FAM25A: variants seen among roughly 807,000 people sequenced by gnomAD.
FAM25A encodes family with sequence similarity 25 member A, also known as protein FAM25A.
In FAM25A, 5 loss-of-function variants were observed where a neutral mutation model predicts 6.6. That is an observed-to-expected ratio of 0.75 (90% confidence interval 0.39 to 1.59). The LOEUF (loss-of-function observed/expected upper bound fraction) is 1.59, where lower values mean the gene tolerates loss of function less well. Among genes scored for constraint, FAM25A ranks in the 40% most tolerant of loss-of-function variants. The probability of loss-of-function intolerance (pLI) is 0.02; values close to 1 mark genes in which losing one functional copy is unlikely to be tolerated. For missense variants in FAM25A, 93 were observed against 109.7 expected (o/e 0.85, Z 0.68); for synonymous variants, 36 against 41.3 (o/e 0.87, Z 0.49).
rs1015757468 is a variant in FAM25A, at chr10:87,024,272, A to T, written c.137-269A>T. ...AACCCAATATAAAAATGGTCAAAAG[A>T]CATAAGCAGGCATTTTCCAGAAAAA... On this transcript the variant is annotated intron_variant, in intron 2 of 2. Transcript: ENST00000343959. Among the ~76,000 whole-genome samples the T allele has an allele frequency of 3.9e-5, 6 of 152,136 alleles. No individual in the cohort carries two copies. The East Asian group carries it at 7.7e-4, about 20-fold the overall frequency.
rs767640778 is a variant in FAM25A at position 87,022,325 on chromosome 10, G to A, written c.85G>A (p.Glu29Lys). 11 of 1,548,986 alleles carry A rather than the reference G, an allele frequency of 7.1e-6. No individual in the cohort carries two copies. The South Asian group carries it at 1.2e-4, about 17-fold the overall frequency. The change falls in exon 2 of 3, where the codon GAA becomes AAA. Residue 29 changes from glutamate to lysine, a missense_variant. Coordinates refer to ENST00000343959, the MANE Select transcript of FAM25A (RefSeq NM_001146157.3). Reference sequence around the variant, plus strand: ...TCTCCTCTGTTCAGTTCATGCCGTGGAAGAAGTGGTGAAGGAGGTGGTGGG... The same window carrying A: ...TCTCCTCTGTTCAGTTCATGCCGTGAAAGAAGTGGTGAAGGAGGTGGTGGG... ...KATEGAIHAV[E>K]EVVKEVVGHA...
chr10:87,022,987 AC>A (rs957680079), intron 2 of FAM25A, among the ~76,000 whole-genome samples: 12 of 147,858 alleles, frequency 8.1e-5, no homozygotes, highest in Admixed American at 1.3e-4. Flanking sequence ...TGATCCCAGC[AC>A]TTTGGGAGCC....
intron 1 of FAM25A, 50 bp downstream of exon 1, chr10:87,020,447 A>G: frequency 1.3e-6 from 2 of 1,544,614 alleles, no homozygotes; most frequent in Non-Finnish European, 1.7e-6. Flanking sequence ...TCTGGGGCAG[A>G]CTGGGTCTGT....
chr10:87,024,341 C>T (rs1334160292), intron 2 of FAM25A, among the ~76,000 whole-genome samples, 200 bp from the exon 3 acceptor site: 3 of 152,120 alleles, frequency 2.0e-5, no homozygotes, highest in Non-Finnish European at 4.4e-5. Flanking sequence ...CTCAGTCTCA[C>T]TCACAGTTGA....
chr10:87,024,405 A>G (rs1845358577), intron 2 of FAM25A, 136 bp from the exon 3 acceptor site: 1 of 1,304,384 alleles, frequency 7.7e-7, no homozygotes, highest in African/African-American at 1.5e-5. Context: ...ATTCTGCAGT[A>G]ATCCTGCTGC....
In FAM25A at chr10:87,024,710, T is replaced by C. The variant is rs1357754903; in HGVS notation, c.*36T>C. On this transcript the variant is annotated 3_prime_UTR_variant, in exon 3 of 3. Transcript: ENST00000343959. ...TACCACGGCCCTTCCCCAGTCTCAA[T>C]AAAAAGCCATGACATGTGTACATTG... 6.5e-7 allele frequency: 1 copy of C among 1,535,664 alleles called. No homozygotes were observed. The highest frequency in any genetic ancestry group is 2.3e-4 in the Middle Eastern group (1 of 4,364).
intron 1 of FAM25A, among the ~76,000 whole-genome samples, chr10:87,021,331 T>C (rs1006806494): frequency 6.6e-6 from 1 of 152,238 alleles, no homozygotes; most frequent in Non-Finnish European, 1.5e-5. Context: ...GAGTTTTGTA[T>C]GATTCCTGTT....
chr10:87,023,168 C>T (rs1048419033), intron 2 of FAM25A, among the ~76,000 whole-genome samples: 8 of 151,602 alleles, frequency 5.3e-5, no homozygotes, highest in African/African-American at 1.9e-4. Flanking sequence ...TTGCAGTGAG[C>T]CGAGATCGTG....
chr10:87,023,818 C>T (rs544077873), intron 2 of FAM25A, among the ~76,000 whole-genome samples: 1 of 152,150 alleles, frequency 6.6e-6, no homozygotes, highest in Non-Finnish European at 1.5e-5. Flanking sequence ...AAGGCACTGG[C>T]AGATTTGGCA....
chr10:87,022,380 C>T lies in FAM25A; in HGVS notation c.136+4C>T. On this transcript the variant is annotated splice_donor_region_variant and intron_variant, in intron 2 of 2. Coordinates refer to ENST00000343959, the MANE Select transcript of FAM25A (RefSeq NM_001146157.3). ...GCCAAGGAGACTGGAGAGAAAGGTA[C>T]AGCTGGCTGAGGTCGGGCAGGGAAG... 4 of 1,548,142 alleles carry T rather than the reference C, an allele frequency of 2.6e-6. No individual in the cohort carries two copies. The highest frequency in any genetic ancestry group is 3.5e-6 in the Non-Finnish European group (4 of 1,146,680).
At chr10:87,022,698 G>C (rs995602955) in intron 2 of FAM25A, among the ~76,000 whole-genome samples, 2 of 152,064 alleles carry the variant, frequency 1.3e-5, no homozygotes, top group African/African-American at 4.8e-5. Flanking sequence ...AGGCTGAGGA[G>C]GGTGGATCAC....
chr10:87,022,771 A>G (rs1845341869), intron 2 of FAM25A, among the ~76,000 whole-genome samples: 1 of 150,230 alleles, frequency 6.7e-6, no homozygotes, highest in Non-Finnish European at 1.5e-5. Flanking sequence ...CTAAAAATAC[A>G]TAAAAATTAG....
rs1481828175 is a variant in FAM25A, at chr10:87,020,364, G to A, written c.40G>A (p.Ala14Thr). 2.6e-6 allele frequency: 4 copies of A among 1,549,324 alleles called. No individual in the cohort carries two copies. Among genetic ancestry groups the A allele is most frequent in the Non-Finnish European group, 3.5e-6 (4 of 1,146,830 alleles). Residue 14 changes from alanine to threonine, a missense_variant, in exon 1 of 3, where the codon GCC becomes ACC. Physicochemically the swap from Ala to Thr is moderately conservative, Grantham distance 58 (BLOSUM62 0). Transcript: ENST00000343959. ...GLGKLAAEGL[A>T]HRTEKATEGA... The stretch of plus-strand genomic sequence containing the variant: ...GGGGAAGCTGGCTGCCGAAGGCCTG[G>A]CCCACCGCACCGAGAAGGCCACCGA...
rs536059233 is a variant in FAM25A, at chr10:87,020,703, AG to A, written c.73+307del. On this transcript the variant is annotated intron_variant, in intron 1 of 2. Transcript: ENST00000343959. ...CTGAATAACCTATGCAGGAAAAGGA[AG>A]ATGGATTTTTATTTTTACCATAACT... is the stretch of plus-strand genomic sequence containing the variant. Among the ~76,000 whole-genome samples, 16 of 152,320 alleles carry A rather than the reference AG, an allele frequency of 1.1e-4. No homozygotes were observed. The South Asian group carries it at 3.3e-3, about 32-fold the overall frequency.
chr10:87,022,524 C>A, intron 2 of FAM25A, 148 bp downstream of exon 2: 1 of 902,524 alleles, frequency 1.1e-6, no homozygotes, highest in Non-Finnish European at 1.7e-6. Context: ...GTTATCTATG[C>A]TCATCAGAGG....
Position 87,024,542 on chromosome 10 carries a change from C to T in FAM25A, c.138C>T (p.Ala46=). Residue 46 remains alanine, a splice_region_variant and synonymous_variant, in exon 3 of 3, where the codon GCC becomes GCT. Coordinates refer to ENST00000343959, the MANE Select transcript of FAM25A (RefSeq NM_001146157.3). The part of the protein sequence containing the change: ...VGHAKETGEK[A]IAEAIKKAQE... ...ATTCTTCCTCTTTCTTTCCAACAGC[C>T]ATTGCTGAAGCCATAAAGAAAGCCC... 1.3e-6 allele frequency: 2 copies of T among 1,535,770 alleles called. No homozygotes were observed. The highest frequency in any genetic ancestry group is 1.7e-6 in the Non-Finnish European group (2 of 1,146,896).
chr10:87,020,879 T>C (rs1845324259), intron 1 of FAM25A, among the ~76,000 whole-genome samples: 1 of 152,076 alleles, frequency 6.6e-6, no homozygotes, highest in South Asian at 2.1e-4. Context: ...CAGGCTGGAG[T>C]GTAGTGGTGC....
At chr10:87,023,175 C>G (rs1190629440) in intron 2 of FAM25A, among the ~76,000 whole-genome samples, 2 of 150,854 alleles carry the variant, frequency 1.3e-5, no homozygotes, top group Non-Finnish European at 2.9e-5. Context: ...GAGCCGAGAT[C>G]GTGCCACTGC....
intron 2 of FAM25A, among the ~76,000 whole-genome samples, chr10:87,024,240 A>G (rs1370671075): frequency 1.3e-5 from 2 of 152,132 alleles, no homozygotes; most frequent in African/African-American, 2.4e-5. Flanking sequence ...TGATAATCCA[A>G]TATAACAACC....
Sources: gnomAD v4.1 joint callset for allele counts (sites outside exome capture counted in the v4.1 genomes callset) on GRCh38, gnomAD v4.1.1 for gene constraint, MANE v1.5 for transcripts, NCBI Gene and HGNC (gene_info 2026-07-23, HGNC 2026-07-21) for gene names.